The following SUSD6 variants were observed in gnomAD, a reference collection of about 807,000 sequenced individuals.
The protein encoded by SUSD6 is sushi domain containing 6.
In SUSD6, 16 loss-of-function variants were observed where a neutral mutation model predicts 28.4. The ratio of observed to expected loss-of-function variants is 0.56; its 90% CI spans 0.38 to 0.86. SUSD6 has a LOEUF of 0.86. SUSD6 is among the 40% of genes least tolerant of loss of function. The pLI, the probability that SUSD6 is intolerant of heterozygous loss-of-function variation, is 0.00. For missense variants in SUSD6, 341 were observed against 384.2 expected, an observed-to-expected ratio of 0.89 and a Z score of 0.94; for synonymous variants, 147 against 159.6, an observed-to-expected ratio of 0.92 and a Z score of 0.59.
At chr14:69,644,964 C>CA in intron 1 of SUSD6, among the ~76,000 whole-genome samples, 1 of 152,208 alleles carries the variant, frequency 6.6e-6, no homozygotes. Context: ...TGGGGCTAAT[C>CA]AAAGGGAAGG....
At chr14:69,616,968 GCAA>G (rs550238363) in intron 1 of SUSD6, among the ~76,000 whole-genome samples, 92 of 151,980 alleles carry the variant, frequency 6.1e-4, no homozygotes, top group Non-Finnish European at 1.1e-3. Context: ...CTAGCCCTAG[GCAA>G]CCACTCATCT....
intron 2 of SUSD6, among the ~76,000 whole-genome samples, chr14:69,692,492 C>T (rs1317680229): frequency 6.6e-6 from 1 of 152,150 alleles, no homozygotes; most frequent in Non-Finnish European, 1.5e-5. Context: ...TTTTTCTGAA[C>T]AAATCAAGTT....
intron 1 of SUSD6, among the ~76,000 whole-genome samples, chr14:69,621,282 A>T (rs1210536378): frequency 1.3e-5 from 2 of 152,208 alleles, no homozygotes; most frequent in African/African-American, 4.8e-5. Flanking sequence ...GGAATGAAAG[A>T]GTGGTATTAT....
Position 69,670,434 on chromosome 14 carries a change from G to C in SUSD6, c.121+11721G>C, listed in dbSNP as rs3784147. ...GCACTACACAGGAATACTCATTAGG[G>C]GGTCTCCTGACTCAGCTTGAATTGG... On this transcript the variant is annotated intron_variant, in intron 2 of 5. Coordinates refer to ENST00000342745, the MANE Select transcript of SUSD6 (RefSeq NM_014734.4). The C allele has an allele frequency of 4.1e-3, 1,870 of 456,672 alleles. 84 individuals are homozygous for C. The East Asian group carries it at 0.092, about 22-fold the overall frequency. The allele number at this position is 456,672 out of a possible 1,614,324, so 28.3% of individuals were successfully genotyped here. A position where few individuals can be genotyped will look rare whatever the true frequency, so the allele number is the denominator to read the frequency against.
At position 69,711,162 on chromosome 14, in the gene SUSD6, C is replaced by T. The variant is rs1215144844; in HGVS notation, c.*183C>T. On this transcript the variant is annotated 3_prime_UTR_variant, in exon 6 of 6. Coordinates refer to ENST00000342745, the MANE Select transcript of SUSD6 (RefSeq NM_014734.4). ...GCTGGAAACTCAAGGAAGATTCTCG[C>T]CATCTGCCTGTTGGACAGCTGGAGG... 1.6e-6 allele frequency: 1 copy of T among 606,448 alleles called. No individual in the cohort carries two copies. The highest frequency in any genetic ancestry group is 1.9e-5 in the African/African-American group (1 of 53,824). The allele number at this position is 606,448 out of a possible 1,614,324, so 37.6% of individuals were successfully genotyped here.
chr14:69,713,236 G>T lies in SUSD6; in HGVS notation c.*2257G>T, dbSNP rs1886494204. The T allele has an allele frequency of 1.3e-5, 2 of 152,288 alleles. No homozygotes were observed. Among genetic ancestry groups the T allele is most frequent in the South Asian group, 2.1e-4 (1 of 4,828 alleles). The allele number at this position is 152,288 out of a possible 1,614,324, so 9.4% of individuals were successfully genotyped here. On this transcript the variant is annotated 3_prime_UTR_variant, in exon 6 of 6. Transcript: ENST00000342745. ...TGACCAGCTTGATCCCTGGTGAAAT[G>T]AAAAGCCTTCCTTCTCCTGAAGCCT... is the stretch of plus-strand genomic sequence containing the variant.
intron 1 of SUSD6, among the ~76,000 whole-genome samples, chr14:69,616,139 A>G (rs1395353465): frequency 6.6e-6 from 1 of 152,226 alleles, no homozygotes; most frequent in Non-Finnish European, 1.5e-5. Flanking sequence ...GTGGTGACTG[A>G]CAATTCTTTA....
intron 1 of SUSD6, among the ~76,000 whole-genome samples, chr14:69,637,799 A>G (rs1180354577): frequency 6.6e-6 from 1 of 152,040 alleles, no homozygotes; most frequent in Non-Finnish European, 1.5e-5. Context: ...TGCTTGTGAC[A>G]GCGGGTGGGG....
chr14:69,693,592 A>C (rs1358690221), intron 2 of SUSD6, among the ~76,000 whole-genome samples: 1 of 152,242 alleles, frequency 6.6e-6, no homozygotes, highest in Non-Finnish European at 1.5e-5. Context: ...GCCCATTCCA[A>C]AAATCAGAGA....
At position 69,708,668 on chromosome 14, in the gene SUSD6, C is replaced by G. The variant is rs759910810; in HGVS notation, c.459-9C>G. The G allele has an allele frequency of 6.5e-7, 1 of 1,531,522 alleles. No individual in the cohort carries two copies. The highest frequency in any genetic ancestry group is 2.1e-5 in the Admixed American group (1 of 46,732). The allele number at this position is 1,531,522 out of a possible 1,614,324, so 94.9% of individuals were successfully genotyped here. A position where few individuals can be genotyped will look rare whatever the true frequency, so the allele number is the denominator to read the frequency against. The stretch of plus-strand genomic sequence containing the variant: ...AATTCATCCTTTGTCTTTTCCTCCT[C>G]CACTCCAGGCGTGACCAGGGGGTAT... On this transcript the variant is annotated splice_polypyrimidine_tract_variant and intron_variant, in intron 4 of 5. Coordinates refer to ENST00000342745, the MANE Select transcript of SUSD6 (RefSeq NM_014734.4).
rs1162215155 is a variant in SUSD6, at chr14:69,685,240, C to A, written c.122-18155C>A. On this transcript the variant is annotated intron_variant, in intron 2 of 5. Coordinates refer to ENST00000342745, the MANE Select transcript of SUSD6 (RefSeq NM_014734.4). ...AGGGCTGCAAGTACAAATGGACTAGCCCTAAAGGACATTACCCACATGCAT... is the reference window on the plus strand; with the variant it reads ...AGGGCTGCAAGTACAAATGGACTAGACCTAAAGGACATTACCCACATGCAT... 5.3e-5 allele frequency among the ~76,000 whole-genome samples: 8 copies of A among 152,270 alleles called. No individual in the cohort carries two copies. In the East Asian group the frequency reaches 1.5e-3, roughly 29 times the overall value.
chr14:69,697,382 C>A (rs1461862700), intron 2 of SUSD6, among the ~76,000 whole-genome samples: 2 of 152,172 alleles, frequency 1.3e-5, no homozygotes, highest in Admixed American at 1.3e-4. Context: ...CCCAGTAGAT[C>A]TCAGCCTCAT....
chr14:69,612,388 T>C (rs1325290727), intron 1 of SUSD6, among the ~76,000 whole-genome samples: 4 of 152,224 alleles, frequency 2.6e-5, no homozygotes, highest in Non-Finnish European at 5.9e-5. Context: ...AAAACTTCTC[T>C]TATTAACCAG....
chr14:69,664,388 C>T (rs983053701), intron 2 of SUSD6, among the ~76,000 whole-genome samples: 15 of 152,120 alleles, frequency 9.9e-5, no homozygotes, highest in African/African-American at 3.4e-4. Flanking sequence ...ACAATAGGGA[C>T]GTAGTAAATA....
chr14:69,670,038 C>T (rs942399754), intron 2 of SUSD6, among the ~76,000 whole-genome samples: 5 of 152,206 alleles, frequency 3.3e-5, no homozygotes, highest in African/African-American at 1.2e-4. Flanking sequence ...TTGCTCCAAA[C>T]CCTAATGACC....
chr14:69,640,157 C>A (rs1215347576), intron 1 of SUSD6, among the ~76,000 whole-genome samples: 1 of 150,994 alleles, frequency 6.6e-6, no homozygotes, highest in Non-Finnish European at 1.5e-5. Flanking sequence ...TGTGTAGAGA[C>A]CCAGGCTGGA....
At chr14:69,643,527 G>A (rs1052078380) in intron 1 of SUSD6, among the ~76,000 whole-genome samples, 1 of 152,200 alleles carries the variant, frequency 6.6e-6, no homozygotes, top group African/African-American at 2.4e-5. Flanking sequence ...TACACTTTGA[G>A]TCTTCTTCCT....
At chr14:69,614,144 T>C (rs1383057043) in intron 1 of SUSD6, among the ~76,000 whole-genome samples, 1 of 152,252 alleles carries the variant, frequency 6.6e-6, no homozygotes, top group Non-Finnish European at 1.5e-5. Context: ...CTCGGCTCAC[T>C]GCAACCTTCA....
Position 69,708,780 on chromosome 14 carries a change from T to A in SUSD6, c.562T>A (p.Cys188Ser). The change falls in exon 5 of 6, where the codon TGT (cysteine) becomes AGT (serine). Residue 188 changes from cysteine (C) to serine (S), a missense_variant. By Grantham distance (112) the Cys-to-Ser change is moderately radical. Transcript: ENST00000342745. Reference sequence around the variant, plus strand: ...GGCTGTATATGGCAGTTCTGGTCACTGTGTGCCACCTGCTGACCCCAGAGT... The same window carrying A: ...GGCTGTATATGGCAGTTCTGGTCACAGTGTGCCACCTGCTGACCCCAGAGT... ...EEAVYGSSGH[C>S]VPPADPRVQI... The A allele has an allele frequency of 6.2e-7, 1 of 1,614,212 alleles. No individual in the cohort carries two copies. The highest frequency in any genetic ancestry group is 2.2e-5 in the East Asian group (1 of 44,878).
Sources: gnomAD v4.1 joint callset for allele counts (sites outside exome capture counted in the v4.1 genomes callset) on GRCh38, gnomAD v4.1.1 for gene constraint, MANE v1.5 for transcripts, NCBI Gene and HGNC (gene_info 2026-07-23, HGNC 2026-07-21) for gene names.